Variants in NECTIN4 observed in about 807,000 individuals in gnomAD.
NECTIN4 encodes nectin cell adhesion molecule 4, also known as nectin-4.
NECTIN4 carries 19 observed loss-of-function variants against 51.7 expected under a neutral mutation model. The observed-to-expected ratio is 0.37, with a 90% confidence interval of 0.26 to 0.54. The LOEUF (loss-of-function observed/expected upper bound fraction) is 0.54, where lower values mean the gene tolerates loss of function less well. Among genes scored for constraint, NECTIN4 ranks in the 20% least tolerant of loss-of-function variants. The pLI is 0.86. For synonymous variants in NECTIN4, 283 were observed against 286.9 expected (o/e 0.99, Z 0.14); for missense variants, 619 against 662.4 (o/e 0.93, Z 0.72).
intron 1 of NECTIN4, among the ~76,000 whole-genome samples, chr1:161,087,970 C>T (rs1199460623): frequency 6.6e-6 from 1 of 152,148 alleles, no homozygotes; most frequent in South Asian, 2.1e-4. Context: ...CCAACTCCAG[C>T]AACTAGGCTC....
At chr1:161,088,555 C>A (rs999311023) in intron 1 of NECTIN4, among the ~76,000 whole-genome samples, 2 of 152,066 alleles carry the variant, frequency 1.3e-5, no homozygotes, top group African/African-American at 4.8e-5. Context: ...AGAAGGTTCC[C>A]TTCCTTAGAC....
intron 4 of NECTIN4, 38 bp from the exon 5 acceptor site, chr1:161,074,797 G>A (rs1571145454): frequency 1.9e-6 from 3 of 1,603,708 alleles, no homozygotes; most frequent in Non-Finnish European, 2.6e-6. Context: ...CAGCCGGGAA[G>A]GGCTGAAGCC....
chr1:161,086,781 C>T (rs1254606754), intron 1 of NECTIN4: 1 of 152,434 alleles, frequency 6.6e-6, no homozygotes, highest in Non-Finnish European at 1.5e-5. Context: ...GCTCAGAGCT[C>T]TAATGGCCCA....
intron 1 of NECTIN4, among the ~76,000 whole-genome samples, chr1:161,084,273 A>G (rs1247237464): frequency 6.6e-6 from 1 of 152,196 alleles, no homozygotes; most frequent in African/African-American, 2.4e-5. Context: ...GTGTATCAGT[A>G]TGTGTGAATG....
At chr1:161,082,730 ACCCGCACCCCTC>A (rs1653744206) in intron 1 of NECTIN4, among the ~76,000 whole-genome samples, 1 of 151,862 alleles carries the variant, frequency 6.6e-6, no homozygotes, top group Admixed American at 6.6e-5. Context: ...CCAGCTAACC[ACCCGCACCCCTC>A]CCAGGCTTTT....
rs779264059 is a variant in NECTIN4, at chr1:161,079,914, C to T, written c.115G>A (p.Val39Met). The T allele has an allele frequency of 6.2e-7, 1 of 1,609,602 alleles. No individual in the cohort carries two copies. The highest frequency in any genetic ancestry group is 1.1e-5 in the South Asian group (1 of 90,968). ...CPAGELETSD[V>M]VTVVLGQDAK... ...TCCTGGCCCAGCACCACAGTTACCACGTCTGAGGTCTCCAGCTCACCCGCG... is the reference window on the plus strand; with the variant it reads ...TCCTGGCCCAGCACCACAGTTACCATGTCTGAGGTCTCCAGCTCACCCGCG... Residue 39 changes from valine to methionine, a missense_variant, in exon 2 of 9, where the codon GTG (valine) becomes ATG (methionine). By Grantham distance (21) the Val-to-Met change is conservative. This residue lies in a region of NECTIN4 where 218 missense variants were observed against 186.3 expected (regional missense o/e 1.17). Coordinates refer to ENST00000368012, the MANE Select transcript of NECTIN4 (RefSeq NM_030916.3).
rs1653604963 is a variant in NECTIN4 at position 161,079,946 on chromosome 1, C to T, written c.83G>A (p.Arg28Gln). The T allele has an allele frequency of 1.3e-6, 2 of 1,599,296 alleles. No individual in the cohort carries two copies. The highest frequency in any genetic ancestry group is 1.7e-6 in the Non-Finnish European group (2 of 1,170,078). Residue 28 changes from arginine (R) to glutamine (Q), a missense_variant, in exon 2 of 9, where the codon CGG (arginine) becomes CAG (glutamine). Coordinates refer to ENST00000368012, the MANE Select transcript of NECTIN4 (RefSeq NM_030916.3). ...GGTCTCCAGCTCACCCGCGGGGCACCGGCCTGCAGGGGGCAGAGAGGGACA... is the reference window on the plus strand; with the variant it reads ...GGTCTCCAGCTCACCCGCGGGGCACTGGCCTGCAGGGGGCAGAGAGGGACA... ...LLLLLASFTG[R>Q]CPAGELETSD...
Position 161,076,365 on chromosome 1 carries a change from T to A in NECTIN4, c.841A>T (p.Asn281Tyr), listed in dbSNP as rs1351414494. ...LSEGQPPPSYNWTRLDGPLPS... is the reference protein window; with the variant it reads ...LSEGQPPPSYYWTRLDGPLPS... ...GGCTCGGGCCCTTACCGTGTCCAGT[T>A]GTATGAGGGAGGGGGCTGCCCTTCA... The change falls in exon 4 of 9, where the codon AAC becomes TAC. Residue 281 changes from asparagine to tyrosine, a missense_variant. Physicochemically the swap from Asn to Tyr is moderately radical, Grantham distance 143. Transcript: ENST00000368012. 1 of 1,614,150 alleles carries A rather than the reference T, an allele frequency of 6.2e-7. No individual in the cohort carries two copies. Among genetic ancestry groups the A allele is most frequent in the East Asian group, 2.2e-5 (1 of 44,872 alleles).
chr1:161,084,302 C>T (rs1379571379), intron 1 of NECTIN4, among the ~76,000 whole-genome samples: 5 of 152,160 alleles, frequency 3.3e-5, no homozygotes, highest in East Asian at 1.9e-4. Context: ...CACATGATTC[C>T]GTGTGCATGT....
intron 1 of NECTIN4, among the ~76,000 whole-genome samples, chr1:161,083,788 C>A (rs1178085434): frequency 6.6e-6 from 1 of 152,268 alleles, no homozygotes; most frequent in Non-Finnish European, 1.5e-5. Flanking sequence ...TGGAGCCCAG[C>A]CCTTTGTGTA....
chr1:161,078,615 C>T (rs1056106902), intron 2 of NECTIN4, among the ~76,000 whole-genome samples: 11 of 152,010 alleles, frequency 7.2e-5, no homozygotes, highest in Non-Finnish European at 1.6e-4. Flanking sequence ...AGCCAAAAAC[C>T]TTTATTTTTA....
intron 3 of NECTIN4, 37 bp downstream of exon 3, chr1:161,077,416 C>T: frequency 6.2e-7 from 1 of 1,611,772 alleles, no homozygotes; most frequent in Non-Finnish European, 8.5e-7. Flanking sequence ...TGCTGAGAAC[C>T]CCTTGGGCCT....
In NECTIN4 at chr1:161,079,613, G is replaced by A. The variant is rs1399556074; in HGVS notation, c.416C>T (p.Ala139Val). 2 of 1,604,966 alleles carry A rather than the reference G, an allele frequency of 1.2e-6. No individual in the cohort carries two copies. The highest frequency in any genetic ancestry group is 1.3e-5 in the African/African-American group (1 of 75,048). Residue 139 changes from alanine (A) to valine (V), a missense_variant, in exon 2 of 9, where the codon GCG (alanine) becomes GTG (valine). Physicochemically the swap from Ala to Val is moderately conservative, Grantham distance 64 (BLOSUM62 0). This residue lies in a region of NECTIN4 where 218 missense variants were observed against 186.3 expected (regional missense o/e 1.17). Transcript: ENST00000368012. ...VSTFPAGSFQ[A>V]RLRLRVLVPP... ...ACCCAGCACTCGGAGCCGCAGCCGC[G>A]CCTGGAAGCTGCCGGCGGGGAAGGT...
At chr1:161,073,628 A>T in intron 7 of NECTIN4, 92 bp downstream of exon 7, 1 of 1,128,044 alleles carries the variant, frequency 8.9e-7, no homozygotes, top group Non-Finnish European at 1.4e-6. Context: ...CCCAGCAGAG[A>T]GCTGTGCTCC....
chr1:161,075,370 G>A (rs536918316), intron 4 of NECTIN4, among the ~76,000 whole-genome samples: 2 of 152,262 alleles, frequency 1.3e-5, no homozygotes, highest in African/African-American at 4.8e-5. Flanking sequence ...TAGGAGTGTT[G>A]GCTTAACAAC....
chr1:161,079,470 T>A, intron 2 of NECTIN4, 120 bp downstream of exon 2: 2 of 1,376,950 alleles, frequency 1.5e-6, no homozygotes, highest in East Asian at 2.5e-5. Flanking sequence ...CTCCCTCACC[T>A]GAACATGACC....
At chr1:161,082,300 C>T (rs1281418741) in intron 1 of NECTIN4, among the ~76,000 whole-genome samples, 5 of 151,922 alleles carry the variant, frequency 3.3e-5, no homozygotes, top group Admixed American at 3.3e-4. Context: ...TGACCTCCAG[C>T]TTGGGCAACA....
Position 161,074,679 on chromosome 1 carries a change from C to T in NECTIN4, c.932G>A (p.Gly311Asp), listed in dbSNP as rs1400345470. Residue 311 changes from glycine to aspartate, a missense_variant, in exon 5 of 9, where the codon GGC becomes GAC. Coordinates refer to ENST00000368012, the MANE Select transcript of NECTIN4 (RefSeq NM_030916.3). Reference sequence around the variant, plus strand: ...ATTGCTGACATGGCAGACGTAGATGCCGCTGTGCTCAGTGGTCAGTGGGGG... The same window carrying T: ...ATTGCTGACATGGCAGACGTAGATGTCGCTGTGCTCAGTGGTCAGTGGGGG... ...GFPPLTTEHS[G>D]IYVCHVSNEF... 6.2e-7 allele frequency: 1 copy of T among 1,614,226 alleles called. No individual in the cohort carries two copies. Among genetic ancestry groups the T allele is most frequent in the Non-Finnish European group, 8.5e-7 (1 of 1,180,024 alleles).
At chr1:161,087,775 C>T (rs758566365) in intron 1 of NECTIN4, among the ~76,000 whole-genome samples, 3 of 151,654 alleles carry the variant, frequency 2.0e-5, no homozygotes, top group Non-Finnish European at 4.4e-5. Context: ...TGTGTGTGTG[C>T]GTGTGTGTCT....
Sources: allele counts gnomAD v4.1 joint callset (sites outside exome capture counted in the v4.1 genomes callset), GRCh38; gene constraint gnomAD v4.1.1; regional missense constraint gnomAD v4.1.1; transcripts MANE v1.5; gene names NCBI Gene and HGNC (gene_info 2026-07-23, HGNC 2026-07-21).